Variants in LYPLA1 observed in about 807,000 individuals in gnomAD.
LYPLA1 encodes acyl-protein thioesterase 1.
LYPLA1 carries 17 observed loss-of-function variants against 34.0 expected under a neutral mutation model. The observed-to-expected ratio is 0.50, with a 90% CI of 0.34 to 0.75. The LOEUF (loss-of-function observed/expected upper bound fraction) is 0.75, where lower values mean the gene tolerates loss of function less well. Ranked by LOEUF, LYPLA1 falls within the 30% of genes least tolerant of loss-of-function variation. The pLI is 0.01. For synonymous variants in LYPLA1, 98 were observed against 100.8 expected (o/e 0.97, Z 0.17); for missense variants, 203 against 288.8 (o/e 0.70, Z 2.15).
chr8:54,089,702 C>T (rs528429249), intron 2 of LYPLA1, among the ~76,000 whole-genome samples: 98 of 151,822 alleles, frequency 6.5e-4, no homozygotes, highest in African/African-American at 2.2e-3. Flanking sequence ...CAGCTCACTG[C>T]AGCCTCGACC....
At chr8:54,067,213 T>A (rs1807128196) in intron 2 of LYPLA1, among the ~76,000 whole-genome samples, 1 of 152,060 alleles carries the variant, frequency 6.6e-6, no homozygotes, top group African/African-American at 2.4e-5. Context: ...ACAGCAACTT[T>A]CGCTGAGCAT....
At chr8:54,090,431 T>C (rs1809140522) in intron 2 of LYPLA1, among the ~76,000 whole-genome samples, 1 of 152,228 alleles carries the variant, frequency 6.6e-6, no homozygotes, top group Non-Finnish European at 1.5e-5. Context: ...ACACACTATA[T>C]TGTAAATTCT....
intron 8 of LYPLA1, among the ~76,000 whole-genome samples, 194 bp from the exon 9 acceptor site, chr8:54,048,312 C>T (rs1805612009): frequency 1.3e-5 from 2 of 152,154 alleles, no homozygotes; most frequent in African/African-American, 2.4e-5. Flanking sequence ...TTATTGTACA[C>T]TGAAATGACA....
At chr8:54,086,438 T>TAAAAAAAAAAAA (rs768755796) in intron 2 of LYPLA1, among the ~76,000 whole-genome samples, 9 of 34,686 alleles carry the variant, frequency 2.6e-4, no homozygotes, top group Non-Finnish European at 4.7e-4. Context: ...CTAAAAAAAT[T>TAAAAAAAAAAAA]AAAAAAAAAA....
Position 54,046,514 on chromosome 8 carries a change from T to TGAAA in LYPLA1, c.*1550_*1551insTTTC, listed in dbSNP as rs1805499124. 1.3e-5 allele frequency: 2 copies of TGAAA among 152,624 alleles called. No homozygotes were observed. The highest frequency in any genetic ancestry group is 4.8e-5 in the African/African-American group (2 of 41,452). 9.5% of individuals were successfully genotyped at this position (152,624 alleles called of 1,614,324 possible). On this transcript the variant is annotated 3_prime_UTR_variant, in exon 9 of 9. Transcript: ENST00000316963. ...CTGATTTGTAGAAGTGAAATAACAGTTTATGTTCTTCAAGGTAAAGAAAAA... is the reference window on the plus strand; with the variant it reads ...CTGATTTGTAGAAGTGAAATAACAGTGAAATTATGTTCTTCAAGGTAAAGAAAAA...
intron 5 of LYPLA1, among the ~76,000 whole-genome samples, chr8:54,060,481 C>T (rs2129331135): frequency 6.6e-6 from 1 of 152,054 alleles, no homozygotes; most frequent in South Asian, 2.1e-4. Flanking sequence ...CTGTTTCTCC[C>T]TCCGAACAAC....
chr8:54,093,612 T>C (rs1349017631), intron 2 of LYPLA1, among the ~76,000 whole-genome samples: 4 of 152,204 alleles, frequency 2.6e-5, no homozygotes, highest in African/African-American at 9.6e-5. Context: ...TAGTTTGTGG[T>C]TATTTATAAT....
In LYPLA1 at chr8:54,051,136, T is replaced by G. The variant is rs1389953260; in HGVS notation, c.515A>C (p.Asp172Ala). ...RDISILQCHGDCDPLVPLMFG... is the reference protein window; with the variant it reads ...RDISILQCHGACDPLVPLMFG... Reference sequence around the variant, plus strand: ...CATCAGGGGAACCAAAGGGTCACAATCCCCGTGGCACTGGAGAATAGAAAT... The same window carrying G: ...CATCAGGGGAACCAAAGGGTCACAAGCCCCGTGGCACTGGAGAATAGAAAT... The change falls in exon 8 of 9, where the codon GAT becomes GCT. Residue 172 changes from aspartate to alanine, a missense_variant. Physicochemically the swap from Asp to Ala is moderately radical, Grantham distance 126. This residue lies in a region of LYPLA1 where 123 missense variants were observed against 199.2 expected (regional missense o/e 0.62). Coordinates refer to ENST00000316963, the MANE Select transcript of LYPLA1 (RefSeq NM_006330.4). 2 of 1,614,014 alleles carry G rather than the reference T, an allele frequency of 1.2e-6. No homozygotes were observed. Among genetic ancestry groups the G allele is most frequent in the Non-Finnish European group, 8.5e-7 (1 of 1,179,980 alleles).
At chr8:54,101,694 A>G in intron 1 of LYPLA1, 61 bp downstream of exon 1, 1 of 1,226,164 alleles carries the variant, frequency 8.2e-7, no homozygotes. Flanking sequence ...ACCCCGCGCG[A>G]GGGGCAACCA....
intron 2 of LYPLA1, among the ~76,000 whole-genome samples, chr8:54,068,903 T>A (rs977993221): frequency 6.6e-6 from 1 of 152,032 alleles, no homozygotes; most frequent in Non-Finnish European, 1.5e-5. Flanking sequence ...GTGGGAAAAA[T>A]GTTTGCAAAT....
chr8:54,096,682 G>A (rs1809711798), intron 2 of LYPLA1, among the ~76,000 whole-genome samples: 1 of 151,772 alleles, frequency 6.6e-6, no homozygotes. Flanking sequence ...GGCAGAGGTT[G>A]CAGTGAGCCA....
intron 2 of LYPLA1, among the ~76,000 whole-genome samples, chr8:54,088,004 A>G (rs1346595528): frequency 1.3e-5 from 2 of 152,230 alleles, no homozygotes; most frequent in African/African-American, 4.8e-5. Flanking sequence ...CTAGCAACTT[A>G]GAACTTTTTA....
intron 2 of LYPLA1, among the ~76,000 whole-genome samples, chr8:54,086,165 C>T (rs1175612860): frequency 2.6e-5 from 4 of 151,906 alleles, no homozygotes. Flanking sequence ...GCTGTGTCCA[C>T]TAAGGGTTAA....
chr8:54,090,038 A>G (rs1352256209), intron 2 of LYPLA1, among the ~76,000 whole-genome samples: 6 of 152,252 alleles, frequency 3.9e-5, no homozygotes, highest in Admixed American at 3.9e-4. Flanking sequence ...CAAAGAGCCT[A>G]TGAATGGATG....
intron 2 of LYPLA1, among the ~76,000 whole-genome samples, chr8:54,083,727 T>A (rs941936747): frequency 1.3e-5 from 2 of 152,220 alleles, no homozygotes; most frequent in Non-Finnish European, 2.9e-5. Flanking sequence ...CACTAAGTCT[T>A]AAGTTTTTTC....
chr8:54,073,122 A>T (rs1807615897), intron 2 of LYPLA1: 22 of 708,660 alleles, frequency 3.1e-5, no homozygotes, highest in Non-Finnish European at 2.7e-6. Flanking sequence ...TTGCGCGTCC[A>T]TCTCAGGGAG....
At chr8:54,100,114 C>T (rs1432503963) in intron 2 of LYPLA1, 1 of 152,120 alleles carries the variant, frequency 6.6e-6, no homozygotes, top group African/African-American at 2.4e-5. Context: ...CACAGATTAT[C>T]ACCAATTTAA....
intron 2 of LYPLA1, among the ~76,000 whole-genome samples, chr8:54,089,944 C>CAA (rs1042617983): frequency 6.6e-6 from 1 of 152,302 alleles, no homozygotes; most frequent in Non-Finnish European, 1.5e-5. Flanking sequence ...ATTGTAAATA[C>CAA]AAAATTGCAT....
intron 8 of LYPLA1, among the ~76,000 whole-genome samples, chr8:54,049,044 G>C (rs1805663769): frequency 6.6e-6 from 1 of 152,160 alleles, no homozygotes; most frequent in Non-Finnish European, 1.5e-5. Flanking sequence ...AGGGTTCCAG[G>C]ACTTCCCCTG....
Sources: allele counts gnomAD v4.1 joint callset (sites outside exome capture counted in the v4.1 genomes callset), GRCh38; gene constraint gnomAD v4.1.1; regional missense constraint gnomAD v4.1.1; transcripts MANE v1.5; gene names NCBI Gene and HGNC (gene_info 2026-07-23, HGNC 2026-07-21).